The following INVS variants were observed in gnomAD, a reference collection of about 807,000 sequenced individuals.
INVS encodes inversin, also known as inversion of embryo turning homolog.
INVS carries 86 observed loss-of-function variants against 108.8 expected under a neutral mutation model. The observed-to-expected ratio is 0.79, with a 90% CI of 0.66 to 0.95. The LOEUF (loss-of-function observed/expected upper bound fraction) is 0.95. Ranked by LOEUF, INVS falls within the 40% of genes least tolerant of loss-of-function variation. The probability of loss-of-function intolerance (pLI) is 0.00; values close to 1 mark genes in which losing one functional copy is unlikely to be tolerated. For synonymous variants in INVS, 455 were observed against 473.5 expected, an observed-to-expected ratio of 0.96 and a Z score of 0.51; for missense variants, 1,169 against 1,297.4, an observed-to-expected ratio of 0.90 and a Z score of 1.52.
At chr9:100,242,726 T>C in intron 7 of INVS, 47 bp downstream of exon 7, 1 of 1,109,880 alleles carries the variant, frequency 9.0e-7, no homozygotes, top group Non-Finnish European at 1.4e-6. Flanking sequence ...AAAATTGTTA[T>C]TTTTATATAA....
intron 14 of INVS, among the ~76,000 whole-genome samples, chr9:100,296,640 C>T (rs1160826326): frequency 6.6e-6 from 1 of 152,222 alleles, no homozygotes; most frequent in Non-Finnish European, 1.5e-5. Context: ...ACAGTACTCT[C>T]ATGCCACACG....
Position 100,273,084 on chromosome 9 carries a change from T to C in INVS, c.1784+8T>C, listed in dbSNP as rs781669059. On this transcript the variant is annotated splice_region_variant and intron_variant, in intron 12 of 16. Transcript: ENST00000262457. ...AAAAGATGCTGCTGCCAAGTAAGTA[T>C]GAGCTACGCAGATTGCGTTTTCGCC... 16 of 1,612,180 alleles carry C rather than the reference T, an allele frequency of 9.9e-6. No individual in the cohort carries two copies. The highest frequency in any genetic ancestry group is 1.6e-4 in the Middle Eastern group (1 of 6,076).
chr9:100,152,030 A>G (rs1828823300), intron 3 of INVS, among the ~76,000 whole-genome samples: 1 of 152,200 alleles, frequency 6.6e-6, no homozygotes, highest in South Asian at 2.1e-4. Flanking sequence ...CAAAGGCAGC[A>G]TCTTATTGTA....
Position 100,160,944 on chromosome 9 carries a change from GACTC to G in INVS, c.273+34396_273+34399del, listed in dbSNP as rs545004103. On this transcript the variant is annotated intron_variant, in intron 3 of 16. Transcript: ENST00000262457. ...CACTCCAGCCTGGGTGACAGAGTGA[GACTC>G]TGTCTCAAAAAAAAAAAAAAAAAAA... Among the ~76,000 whole-genome samples, 466 of 101,128 alleles carry G rather than the reference GACTC, an allele frequency of 4.6e-3. 4 individuals are homozygous for G. The highest frequency in any genetic ancestry group is 0.018 in the African/African-American group (424 of 23,340). 66.3% of individuals were successfully genotyped at this position (101,128 alleles called of 152,430 possible).
chr9:100,278,061 C>G (rs1833161121), intron 12 of INVS, among the ~76,000 whole-genome samples: 1 of 151,656 alleles, frequency 6.6e-6, no homozygotes, highest in Non-Finnish European at 1.5e-5. Flanking sequence ...ATAGTGAGAC[C>G]ACGTCTCTAC....
rs10989047 is a variant in INVS, at chr9:100,296,649, C to T, written c.2787-268C>T. Among the ~76,000 whole-genome samples the T allele has an allele frequency of 0.13, 19,608 of 152,180 alleles. 1,340 individuals carry two copies. Among genetic ancestry groups the T allele is most frequent in the Non-Finnish European group, 0.15 (10,249 of 68,006 alleles). ...TCTTGCACAGTACTCTCATGCCACACGTACCTCTTTACACAGCAGCCTGTT... is the reference window on the plus strand; with the variant it reads ...TCTTGCACAGTACTCTCATGCCACATGTACCTCTTTACACAGCAGCCTGTT... On this transcript the variant is annotated intron_variant, in intron 14 of 16. Coordinates refer to ENST00000262457, the MANE Select transcript of INVS (RefSeq NM_014425.5).
intron 10 of INVS, among the ~76,000 whole-genome samples, chr9:100,258,371 G>T (rs1014813040): frequency 6.6e-6 from 1 of 152,140 alleles, no homozygotes; most frequent in Admixed American, 6.5e-5. Context: ...GCTCGGAGAA[G>T]TTTGTAATTA....
intron 11 of INVS, among the ~76,000 whole-genome samples, chr9:100,267,019 T>TAA (rs11415703): frequency 0.28 from 26,188 of 92,984 alleles, 4,270 homozygotes; most frequent in Non-Finnish European, 0.37. Context: ...TTTGAAACTC[T>TAA]AAAAAAAAAA....
chr9:100,100,861 A>AT (rs1826900776), intron 1 of INVS, among the ~76,000 whole-genome samples: 1 of 7,024 alleles, frequency 1.4e-4, no homozygotes, highest in Admixed American at 3.4e-3. Context: ...ATGTATATAT[A>AT]ATATATATAT....
At chr9:100,299,178 T>G (rs1481378599) in intron 16 of INVS, among the ~76,000 whole-genome samples, 1 of 152,118 alleles carries the variant, frequency 6.6e-6, no homozygotes, top group Non-Finnish European at 1.5e-5. Context: ...AACAAGCAAC[T>G]TACTTGTCCT....
At chr9:100,189,186 GT>G (rs1276512904) in intron 3 of INVS, among the ~76,000 whole-genome samples, 1 of 116,694 alleles carries the variant, frequency 8.6e-6, no homozygotes, top group African/African-American at 3.1e-5. Flanking sequence ...ACAGGTTTTT[GT>G]TTCATTGGTT....
rs151220794 is a variant in INVS at position 100,119,733 on chromosome 9, T to A, written c.107-6650T>A. On this transcript the variant is annotated intron_variant, in intron 2 of 16. Transcript: ENST00000262457. The stretch of plus-strand genomic sequence containing the variant: ...CCACCACACCTGGCTGATTTTTTTG[T>A]ATTTTTTAGTAGCGATGGGGTTTCA... Among the ~76,000 whole-genome samples the A allele has an allele frequency of 2.1e-3, 315 of 152,278 alleles. 1 individual carries two copies. Among genetic ancestry groups the A allele is most frequent in the African/African-American group, 7.2e-3 (301 of 41,560 alleles).
chr9:100,192,378 ATTC>A (rs1830249650), intron 3 of INVS, among the ~76,000 whole-genome samples: 2 of 151,800 alleles, frequency 1.3e-5, no homozygotes, highest in East Asian at 1.9e-4. Context: ...ATCATAGCTT[ATTC>A]TTTCTCTGTT....
intron 3 of INVS, among the ~76,000 whole-genome samples, chr9:100,174,161 G>C (rs544896294): frequency 1.8e-4 from 27 of 152,298 alleles, no homozygotes; most frequent in African/African-American, 6.5e-4. Context: ...ATTTTAATGA[G>C]CAGACAAGGA....
At chr9:100,279,139 C>T (rs1172678638) in intron 12 of INVS, among the ~76,000 whole-genome samples, 2 of 152,040 alleles carry the variant, frequency 1.3e-5, no homozygotes, top group East Asian at 1.9e-4. Context: ...AAAACATACC[C>T]GTAAGAAATG....
In INVS at chr9:100,292,688, C is replaced by T. The variant is rs1165329833; in HGVS notation, c.2431C>T (p.Pro811Ser). 3 of 1,614,084 alleles carry T rather than the reference C, an allele frequency of 1.9e-6. No individual in the cohort carries two copies. The South Asian group carries it at 3.3e-5, about 18-fold the overall frequency. Residue 811 changes from proline to serine, a missense_variant, in exon 14 of 17, where the codon CCT becomes TCT. Physicochemically the swap from Pro to Ser is moderately conservative, Grantham distance 74. Coordinates refer to ENST00000262457, the MANE Select transcript of INVS (RefSeq NM_014425.5). ...GTGCTCTCCGGCTGGTTCTAGCCGC[C>T]CTGGCAGTGCCCGGGGGGAGGCGGT... The part of the protein sequence containing the change: ...GRCSPAGSSR[P>S]GSARGEAVHA...
At chr9:100,258,238 T>C (rs1350971551) in intron 10 of INVS, among the ~76,000 whole-genome samples, 1 of 152,230 alleles carries the variant, frequency 6.6e-6, no homozygotes, top group Admixed American at 6.5e-5. Flanking sequence ...TCTTGTGCCA[T>C]GGTTTTCAGC....
chr9:100,161,949 A>C (rs1829205449), intron 3 of INVS, among the ~76,000 whole-genome samples: 1 of 152,196 alleles, frequency 6.6e-6, no homozygotes, highest in South Asian at 2.1e-4. Flanking sequence ...AACTAAAAAA[A>C]CTTCAAACTA....
chr9:100,111,667 A>G (rs1197433808), intron 2 of INVS, among the ~76,000 whole-genome samples: 1 of 152,252 alleles, frequency 6.6e-6, no homozygotes, highest in Non-Finnish European at 1.5e-5. Flanking sequence ...CATAAGCTCT[A>G]CGTTTGTACA....
Sources: allele counts gnomAD v4.1 joint callset (sites outside exome capture counted in the v4.1 genomes callset), GRCh38; gene constraint gnomAD v4.1.1; transcripts MANE v1.5; gene names NCBI Gene and HGNC (gene_info 2026-07-23, HGNC 2026-07-21).